Variants in ANKRD6 observed in about 807,000 individuals in gnomAD.
ANKRD6 encodes the protein ankyrin repeat domain 6.
In ANKRD6, 56 loss-of-function variants were observed where a neutral mutation model predicts 82.3. That is an observed-to-expected ratio of 0.68 (90% CI 0.55 to 0.85). The LOEUF (loss-of-function observed/expected upper bound fraction) is 0.85. Ranked by LOEUF, ANKRD6 falls within the 40% of genes least tolerant of loss-of-function variation. ANKRD6 has a pLI of 0.00. For synonymous variants in ANKRD6, 347 were observed against 352.1 expected (o/e 0.99, Z 0.16); for missense variants, 852 against 907.6 (o/e 0.94, Z 0.79).
intron 1 of ANKRD6, among the ~76,000 whole-genome samples, chr6:89,465,153 T>C (rs1223501460): frequency 2.7e-5 from 4 of 150,618 alleles, no homozygotes; most frequent in Admixed American, 2.7e-4. Flanking sequence ...GGAGTCGTGC[T>C]CTGTGGCCCA....
intron 2 of ANKRD6, 142 bp downstream of exon 2, chr6:89,567,238 GATT>G (rs1788729701): frequency 8.2e-7 from 1 of 1,212,468 alleles, no homozygotes; most frequent in South Asian, 1.7e-5. Flanking sequence ...GGAGAAGGAG[GATT>G]ATTAAGAATG....
At chr6:89,458,801 G>C (rs751894965) in intron 1 of ANKRD6, among the ~76,000 whole-genome samples, 1 of 152,118 alleles carries the variant, frequency 6.6e-6, no homozygotes, top group African/African-American at 2.4e-5. Context: ...TGCATCCTTC[G>C]ATCCAATAAG....
intron 1 of ANKRD6, among the ~76,000 whole-genome samples, chr6:89,487,515 A>G (rs1777511311): frequency 6.6e-6 from 1 of 152,230 alleles, no homozygotes; most frequent in African/African-American, 2.4e-5. Flanking sequence ...TCTCAGCATT[A>G]AAAAATTCAG....
intron 1 of ANKRD6, among the ~76,000 whole-genome samples, chr6:89,508,006 CT>C (rs1780079718): frequency 6.6e-6 from 1 of 152,144 alleles, no homozygotes; most frequent in Non-Finnish European, 1.5e-5. Context: ...GCAAAGCTGA[CT>C]TTTACAGTGA....
intron 5 of ANKRD6, among the ~76,000 whole-genome samples, chr6:89,611,464 ATCAGCGGCC>A (rs1800237255): frequency 6.6e-6 from 1 of 152,236 alleles, no homozygotes; most frequent in Admixed American, 6.5e-5. Flanking sequence ...TCTAGGGGTT[ATCAGCGGCC>A]TCACATGCCC....
intron 2 of ANKRD6, among the ~76,000 whole-genome samples, chr6:89,586,466 A>T (rs1004962794): frequency 6.6e-6 from 1 of 152,094 alleles, no homozygotes; most frequent in Non-Finnish European, 1.5e-5. Context: ...AGGCGGGCGG[A>T]TCACAAGGTC....
chr6:89,617,895 G>A (rs1412338601), intron 8 of ANKRD6, 59 bp from the exon 9 acceptor site: 8 of 1,529,466 alleles, frequency 5.2e-6, no homozygotes, highest in Non-Finnish European at 7.2e-6. Context: ...TGCCAGCTGG[G>A]CTATGTGCGT....
intron 1 of ANKRD6, among the ~76,000 whole-genome samples, chr6:89,435,344 T>C (rs1432090215): frequency 6.6e-6 from 1 of 152,154 alleles, no homozygotes; most frequent in Non-Finnish European, 1.5e-5. Context: ...TCCATTGCCT[T>C]CCACTCACTT....
At chr6:89,587,884 T>C (rs1328017) in intron 2 of ANKRD6, among the ~76,000 whole-genome samples, 133,066 of 152,320 alleles carry the variant, frequency 0.87, 58,194 homozygotes, top group East Asian at 0.95. Flanking sequence ...GCTTCTTAAA[T>C]TATAAATTGT....
intron 2 of ANKRD6, among the ~76,000 whole-genome samples, chr6:89,592,910 C>T (rs1189303622): frequency 6.6e-6 from 1 of 152,090 alleles, no homozygotes; most frequent in Non-Finnish European, 1.5e-5. Flanking sequence ...CCCGTCTCTA[C>T]TAAAAATACA....
intron 2 of ANKRD6, among the ~76,000 whole-genome samples, chr6:89,583,436 G>A (rs1241344154): frequency 1.3e-5 from 2 of 152,344 alleles, no homozygotes; most frequent in South Asian, 2.1e-4. Context: ...AAAGTCTTAA[G>A]TGTTAACTTA....
At chr6:89,563,199 C>T (rs1423995510) in intron 1 of ANKRD6, among the ~76,000 whole-genome samples, 1 of 152,108 alleles carries the variant, frequency 6.6e-6, no homozygotes, top group East Asian at 1.9e-4. Flanking sequence ...AAAAAGAAAA[C>T]TGATTGCATC....
intron 10 of ANKRD6, among the ~76,000 whole-genome samples, chr6:89,623,091 A>G (rs1804199177): frequency 6.6e-6 from 1 of 151,900 alleles, no homozygotes; most frequent in African/African-American, 2.4e-5. Flanking sequence ...TGAAATCTAA[A>G]CGATCAAAAA....
intron 1 of ANKRD6, among the ~76,000 whole-genome samples, chr6:89,536,985 G>GT (rs995079090): frequency 1.4e-4 from 21 of 151,806 alleles, no homozygotes; most frequent in East Asian, 5.8e-4. Flanking sequence ...AGTCATAGCA[G>GT]TTTTTTTTTA....
chr6:89,501,915 A>G (rs1224218353), intron 1 of ANKRD6, among the ~76,000 whole-genome samples: 1 of 151,836 alleles, frequency 6.6e-6, no homozygotes, highest in Non-Finnish European at 1.5e-5. Flanking sequence ...TCACCTCCCC[A>G]CAGGATTTAT....
intron 5 of ANKRD6, among the ~76,000 whole-genome samples, chr6:89,608,368 C>CTATATATA (rs1554260576): frequency 7.6e-6 from 1 of 130,746 alleles, no homozygotes; most frequent in African/African-American, 3.1e-5. Context: ...CACACACACA[C>CTATATATA]TATATATATA....
At chr6:89,477,546 C>T (rs996682278) in intron 1 of ANKRD6, among the ~76,000 whole-genome samples, 13 of 151,284 alleles carry the variant, frequency 8.6e-5, no homozygotes, top group South Asian at 4.2e-4. Context: ...CCGAGGCGGG[C>T]GGATCATGAG....
At chr6:89,547,201 G>T (rs986801738) in intron 1 of ANKRD6, among the ~76,000 whole-genome samples, 30 of 152,196 alleles carry the variant, frequency 2.0e-4, no homozygotes, top group East Asian at 9.7e-4. Context: ...GTTATTTGGG[G>T]GGGGGGTTAC....
intron 2 of ANKRD6, among the ~76,000 whole-genome samples, chr6:89,574,883 G>A (rs1790753777): frequency 6.6e-6 from 1 of 152,212 alleles, no homozygotes; most frequent in Non-Finnish European, 1.5e-5. Flanking sequence ...CAGATAAATT[G>A]TAGAAGAGGC....
Sources: allele counts gnomAD v4.1 joint callset (sites outside exome capture counted in the v4.1 genomes callset), GRCh38; gene constraint gnomAD v4.1.1; transcripts MANE v1.5; gene names NCBI Gene and HGNC (gene_info 2026-07-23, HGNC 2026-07-21).